The following TRPM3 variants were observed in gnomAD, a reference collection of about 807,000 sequenced individuals.
TRPM3 encodes long transient receptor potential channel 3.
Under a neutral mutation model 181.2 loss-of-function variants are expected in TRPM3, and 77 were observed. That is an observed-to-expected ratio of 0.42 (90% CI 0.35 to 0.51). The LOEUF is 0.51. Among genes scored for constraint, TRPM3 ranks in the 20% least tolerant of loss-of-function variants. TRPM3 has a pLI of 0.01. For missense variants in TRPM3, 1,759 were observed against 2,196.7 expected (o/e 0.80, Z 3.98); for synonymous variants, 745 against 796.4 (o/e 0.94, Z 1.09).
At chr9:70,755,794 G>A (rs770773893) in intron 8 of TRPM3, among the ~76,000 whole-genome samples, 1 of 152,076 alleles carries the variant, frequency 6.6e-6, no homozygotes, top group African/African-American at 2.4e-5. Flanking sequence ...GTCACCACCA[G>A]GCCTGCCTCA....
At chr9:71,233,760 C>G (rs924470570) in intron 1 of TRPM3, among the ~76,000 whole-genome samples, 1 of 152,082 alleles carries the variant, frequency 6.6e-6, no homozygotes, top group African/African-American at 2.4e-5. Flanking sequence ...TTTTCAAAGC[C>G]CCAATAGCCA....
At chr9:71,218,023 T>C (rs1416843269) in intron 1 of TRPM3, among the ~76,000 whole-genome samples, 1 of 152,188 alleles carries the variant, frequency 6.6e-6, no homozygotes, top group African/African-American at 2.4e-5. Flanking sequence ...CCATAAATAA[T>C]TTTTTCCAAT....
chr9:71,409,386 T>G (rs933330258), intron 1 of TRPM3, among the ~76,000 whole-genome samples: 1 of 151,910 alleles, frequency 6.6e-6, no homozygotes, highest in Non-Finnish European at 1.5e-5. Context: ...GAGACACACA[T>G]AGGCTCAAAA....
chr9:71,339,763 G>T (rs375338459), intron 1 of TRPM3, among the ~76,000 whole-genome samples: 3 of 152,058 alleles, frequency 2.0e-5, no homozygotes, highest in Admixed American at 6.6e-5. Context: ...TGACTCTGAG[G>T]GGGTAGCAGG....
At chr9:70,741,473 A>G (rs1199050045) in intron 8 of TRPM3, among the ~76,000 whole-genome samples, 3 of 152,324 alleles carry the variant, frequency 2.0e-5, no homozygotes, top group South Asian at 4.1e-4. Context: ...ACTACTGGGT[A>G]TCTACCCAGA....
intron 1 of TRPM3, among the ~76,000 whole-genome samples, chr9:70,974,476 T>A (rs2097281226): frequency 6.6e-6 from 1 of 152,026 alleles, no homozygotes; most frequent in South Asian, 2.1e-4. Flanking sequence ...GAGGCGGAGC[T>A]TGCAGGGAGC....
chr9:71,211,924 G>A (rs928030257), intron 1 of TRPM3, among the ~76,000 whole-genome samples: 4 of 152,188 alleles, frequency 2.6e-5, no homozygotes, highest in Admixed American at 2.6e-4. Context: ...CCTTTATACA[G>A]TATATAGCTT....
chr9:70,793,161 A>G (rs1235999888), intron 6 of TRPM3, among the ~76,000 whole-genome samples: 2 of 152,198 alleles, frequency 1.3e-5, no homozygotes, highest in Non-Finnish European at 2.9e-5. Context: ...CTTATAAAGA[A>G]TACCCATTTA....
rs1250004972 is a variant in TRPM3, at chr9:70,858,475, C to G, written c.462+4433G>C. Among the ~76,000 whole-genome samples, 4 of 152,222 alleles carry G rather than the reference C, an allele frequency of 2.6e-5. No homozygotes were observed. In the East Asian group the frequency reaches 7.7e-4, roughly 29 times the overall value. On this transcript the variant is annotated intron_variant, in intron 3 of 25. Transcript: ENST00000677713. ...GACCTCCGACCTGTGGACAGCTCCA[C>G]CCCTTTGCCCAGACAGAAGAATCAG...
At chr9:71,175,690 C>A (rs2077072353) in intron 1 of TRPM3, among the ~76,000 whole-genome samples, 1 of 151,974 alleles carries the variant, frequency 6.6e-6, no homozygotes, top group African/African-American at 2.4e-5. Flanking sequence ...ACAGACGGGT[C>A]GCATAGGTTT....
chr9:71,089,414 G>GA (rs1793875389), intron 1 of TRPM3, among the ~76,000 whole-genome samples: 1 of 151,296 alleles, frequency 6.6e-6, no homozygotes, highest in African/African-American at 2.4e-5. Flanking sequence ...GTTAAGGAGA[G>GA]AAAAAAGACA....
intron 1 of TRPM3, among the ~76,000 whole-genome samples, chr9:71,133,607 T>C (rs1186483193): frequency 6.6e-6 from 1 of 152,186 alleles, no homozygotes; most frequent in Non-Finnish European, 1.5e-5. Context: ...TGCTTCTTCT[T>C]TTATTAGAGT....
Position 70,625,057 on chromosome 9 carries a change from T to C in TRPM3, c.1809+134A>G. On this transcript the variant is annotated intron_variant, in intron 14 of 25. Coordinates refer to ENST00000677713, the MANE Select transcript of TRPM3 (RefSeq NM_001366145.2). This position sits in a 1 kb window ranked among gnomAD's most constrained non-coding sequence, Gnocchi z 4.8. ...AAGATTAATTTGAATTTCATTACTT[T>C]TCTTTGATTGTTTAGGTTCACTCTC... The C allele has an allele frequency of 1.0e-6, 1 of 991,172 alleles. No individual in the cohort carries two copies. The highest frequency in any genetic ancestry group is 2.2e-5 in the South Asian group (1 of 45,220). The allele number at this position is 991,172 out of a possible 1,614,324, so 61.4% of individuals were successfully genotyped here. A position where few individuals can be genotyped will look rare whatever the true frequency, so the allele number is the denominator to read the frequency against.
intron 1 of TRPM3, among the ~76,000 whole-genome samples, chr9:70,995,972 T>C (rs2097538052): frequency 6.6e-6 from 1 of 152,216 alleles, no homozygotes; most frequent in Non-Finnish European, 1.5e-5. Context: ...CTTTATACTG[T>C]AATGTGGAAT....
At chr9:71,017,574 C>T (rs2097794616) in intron 1 of TRPM3, among the ~76,000 whole-genome samples, 1 of 151,446 alleles carries the variant, frequency 6.6e-6, no homozygotes, top group South Asian at 2.1e-4. Flanking sequence ...TAATATCAGA[C>T]AAAATAGGAT....
intron 1 of TRPM3, among the ~76,000 whole-genome samples, chr9:71,207,877 C>T (rs1420763103): frequency 6.6e-6 from 1 of 152,088 alleles, no homozygotes; most frequent in Non-Finnish European, 1.5e-5. Flanking sequence ...AGCTTAACTT[C>T]ACTTTTATTT....
intron 1 of TRPM3, among the ~76,000 whole-genome samples, chr9:70,942,729 T>C (rs1010637961): frequency 4.6e-5 from 7 of 152,200 alleles, no homozygotes; most frequent in Non-Finnish European, 7.3e-5. Flanking sequence ...CAATGTGCTA[T>C]TGGGCAAACC....
intron 1 of TRPM3, among the ~76,000 whole-genome samples, chr9:70,895,156 T>G (rs745711156): frequency 6.6e-6 from 1 of 152,238 alleles, no homozygotes; most frequent in Non-Finnish European, 1.5e-5. Flanking sequence ...CCAGTCCAGA[T>G]AGATATGGAT....
intron 1 of TRPM3, among the ~76,000 whole-genome samples, chr9:71,420,737 AAG>A (rs1428301769): frequency 1.8e-4 from 9 of 49,412 alleles, no homozygotes; most frequent in East Asian, 3.6e-4. Flanking sequence ...GAGAGAGAGA[AAG>A]AGAGAGAAAG....
Sources: allele counts gnomAD v4.1 joint callset (sites outside exome capture counted in the v4.1 genomes callset), GRCh38; gene constraint gnomAD v4.1.1; non-coding constraint Gnocchi (gnomAD v3.1); transcripts MANE v1.5; gene names NCBI Gene and HGNC (gene_info 2026-07-23, HGNC 2026-07-21).